The following DMTF1 variants were observed in gnomAD, a reference collection of about 807,000 sequenced individuals.
DMTF1 encodes the protein cyclin-D-binding Myb-like transcription factor 1.
DMTF1 carries 39 observed loss-of-function variants against 91.1 expected under a neutral mutation model. That is an observed-to-expected ratio of 0.43 (90% CI 0.33 to 0.56). DMTF1 has a LOEUF of 0.56. DMTF1 is among the 20% of genes least tolerant of loss of function. DMTF1 has a pLI of 0.05. For synonymous variants in DMTF1, 338 were observed against 309.5 expected (o/e 1.09, Z -0.97); for missense variants, 750 against 914.5 (o/e 0.82, Z 2.32).
chr7:87,173,121 C>T (rs1351550612), intron 5 of DMTF1, among the ~76,000 whole-genome samples: 1 of 152,174 alleles, frequency 6.6e-6, no homozygotes, highest in Non-Finnish European at 1.5e-5. Flanking sequence ...AACCCTAGGA[C>T]TTCCATTTTC....
chr7:87,172,838 A>C (rs912886252), intron 5 of DMTF1, among the ~76,000 whole-genome samples: 1 of 152,240 alleles, frequency 6.6e-6, no homozygotes, highest in African/African-American at 2.4e-5. Context: ...TAGATTAGAT[A>C]TGCTTGTAAC....
intron 14 of DMTF1, chr7:87,192,857 T>TA (rs1360320169): frequency 1.0e-5 from 2 of 195,134 alleles, no homozygotes; most frequent in Non-Finnish European, 2.1e-5. Context: ...CTTTTTTTTT[T>TA]AAACTGGGGG....
chr7:87,169,256 T>C (rs1794556164), intron 4 of DMTF1, among the ~76,000 whole-genome samples: 1 of 152,136 alleles, frequency 6.6e-6, no homozygotes, highest in Non-Finnish European at 1.5e-5. Flanking sequence ...CCCAGGGGTT[T>C]GAGACCAGCC....
chr7:87,164,484 A>AT (rs1300757664), intron 2 of DMTF1, among the ~76,000 whole-genome samples: 1 of 152,220 alleles, frequency 6.6e-6, no homozygotes, highest in Admixed American at 6.5e-5. Flanking sequence ...TGTTTTTCAG[A>AT]TAATAGAGCT....
Position 87,166,599 on chromosome 7 carries a change from C to A in DMTF1, c.226C>A (p.Leu76Ile), listed in dbSNP as rs1259185249. Residue 76 changes from leucine to isoleucine, a missense_variant, in exon 4 of 18, where the codon CTT (leucine) becomes ATT (isoleucine). Around this residue, in one of 3 missense-constraint regions of DMTF1, gnomAD observed 150 missense variants for 150.4 expected, o/e 1.00. Transcript: ENST00000331242. ...TACTCCTTGCATATCAGTTGTTGCA[C>A]TTCCACGTAAGTCACTACGTATTAA... is the stretch of plus-strand genomic sequence containing the variant. ...DSTPCISVVA[L>I]PLSENDQSFE... 1 of 1,609,794 alleles carries A rather than the reference C, an allele frequency of 6.2e-7. No homozygotes were observed. Among genetic ancestry groups the A allele is most frequent in the South Asian group, 1.1e-5 (1 of 90,718 alleles).
At chr7:87,174,972 A>T (rs1490487717) in intron 7 of DMTF1, among the ~76,000 whole-genome samples, 1 of 149,774 alleles carries the variant, frequency 6.7e-6, no homozygotes, top group African/African-American at 2.5e-5. Flanking sequence ...AGTTTAATTT[A>T]TTTTGTTTAA....
chr7:87,162,956 ATTGT>A (rs1416466142), intron 1 of DMTF1: 6 of 151,974 alleles, frequency 3.9e-5, no homozygotes, highest in Non-Finnish European at 7.4e-5. Flanking sequence ...TTCTGGCCTA[ATTGT>A]TTAAGGTTTT....
intron 1 of DMTF1, among the ~76,000 whole-genome samples, chr7:87,159,877 T>C (rs1311792552): frequency 6.6e-6 from 1 of 152,222 alleles, no homozygotes; most frequent in African/African-American, 2.4e-5. Context: ...AGTAAAAATA[T>C]AGTGGTATAA....
intron 3 of DMTF1, 38 bp from the exon 4 acceptor site, chr7:87,166,445 T>G: frequency 6.3e-7 from 1 of 1,582,922 alleles, no homozygotes; most frequent in Non-Finnish European, 8.6e-7. Context: ...TTTCCCTCTT[T>G]GGTTTGAAAT....
chr7:87,173,470 T>A (rs575408711), intron 5 of DMTF1, 65 bp from the exon 6 acceptor site: 2 of 1,030,886 alleles, frequency 1.9e-6, no homozygotes, highest in East Asian at 2.6e-5. Context: ...CGGTTGAGCA[T>A]TAAATCAAGC....
intron 1 of DMTF1, among the ~76,000 whole-genome samples, chr7:87,154,915 A>G (rs899301921): frequency 4.6e-5 from 7 of 152,204 alleles, no homozygotes; most frequent in Non-Finnish European, 1.0e-4. Context: ...CTCCTCCGCA[A>G]AAAATCTTAC....
chr7:87,161,338 A>G (rs930334192), intron 1 of DMTF1, among the ~76,000 whole-genome samples: 2 of 152,080 alleles, frequency 1.3e-5, no homozygotes, highest in Admixed American at 1.3e-4. Context: ...TCTCTACTAA[A>G]AAAATACCAA....
intron 8 of DMTF1, 138 bp downstream of exon 8, chr7:87,179,840 G>A (rs1447450251): frequency 1.3e-6 from 1 of 743,164 alleles, no homozygotes; most frequent in African/African-American, 1.9e-5. Flanking sequence ...TCCATGTTGT[G>A]AATATGGTGA....
chr7:87,170,739 T>C (rs974243334), intron 4 of DMTF1, among the ~76,000 whole-genome samples: 1 of 152,194 alleles, frequency 6.6e-6, no homozygotes, highest in African/African-American at 2.4e-5. Flanking sequence ...CTTTCCCCAC[T>C]AGAATACAGG....
chr7:87,177,062 T>C (rs994895956), intron 7 of DMTF1, among the ~76,000 whole-genome samples: 2 of 152,130 alleles, frequency 1.3e-5, no homozygotes, highest in Non-Finnish European at 2.9e-5. Context: ...AGAAAGAATT[T>C]TAGAAACCAT....
At chr7:87,182,467 TCTTC>T (rs1156389495) in intron 10 of DMTF1, 130 bp downstream of exon 10, 15 of 792,114 alleles carry the variant, frequency 1.9e-5, no homozygotes, top group Non-Finnish European at 3.0e-5. Flanking sequence ...TATTTTCTAG[TCTTC>T]CTTTTCCTTG....
At chr7:87,158,084 T>C (rs1208473071) in intron 1 of DMTF1, among the ~76,000 whole-genome samples, 2 of 152,078 alleles carry the variant, frequency 1.3e-5, no homozygotes, top group Admixed American at 6.5e-5. Flanking sequence ...TATCAACTTT[T>C]GTGGCCCAGA....
At chr7:87,176,596 A>G (rs1345196349) in intron 7 of DMTF1, among the ~76,000 whole-genome samples, 2 of 152,196 alleles carry the variant, frequency 1.3e-5, no homozygotes, top group Non-Finnish European at 2.9e-5. Context: ...TTGGTAGGGA[A>G]AGGGCAGATA....
intron 1 of DMTF1, among the ~76,000 whole-genome samples, chr7:87,162,285 G>C (rs1349233906): frequency 1.3e-5 from 2 of 151,924 alleles, no homozygotes; most frequent in Non-Finnish European, 2.9e-5. Context: ...ATCTCAGGCT[G>C]GTCTCAAACT....
Sources: allele counts gnomAD v4.1 joint callset (sites outside exome capture counted in the v4.1 genomes callset), GRCh38; gene constraint gnomAD v4.1.1; regional missense constraint gnomAD v4.1.1; transcripts MANE v1.5; gene names NCBI Gene and HGNC (gene_info 2026-07-23, HGNC 2026-07-21).